FERMT2: variants seen among roughly 807,000 people sequenced by gnomAD.
FERMT2 encodes FERM domain containing kindlin 2.
FERMT2 carries 15 observed loss-of-function variants against 82.7 expected under a neutral mutation model. That is an observed-to-expected ratio of 0.18 (90% CI 0.12 to 0.28). The LOEUF (loss-of-function observed/expected upper bound fraction) is 0.28, where lower values mean the gene tolerates loss of function less well. FERMT2 is among the 10% of genes least tolerant of loss of function. The probability of loss-of-function intolerance (pLI) is 1.00; values close to 1 mark genes in which losing one functional copy is unlikely to be tolerated. For missense variants in FERMT2, 645 were observed against 809.4 expected (o/e 0.80, Z 2.46); for synonymous variants, 274 against 271.5 (o/e 1.01, Z -0.09).
At chr14:52,866,887 T>A (rs1372630667) in intron 10 of FERMT2, among the ~76,000 whole-genome samples, 2 of 152,172 alleles carry the variant, frequency 1.3e-5, no homozygotes, top group South Asian at 4.1e-4. Flanking sequence ...CCTATCCAAG[T>A]GGGCTGAGTT....
intron 3 of FERMT2, among the ~76,000 whole-genome samples, chr14:52,902,805 G>A (rs1289430556): frequency 7.2e-6 from 1 of 139,782 alleles, no homozygotes; most frequent in Non-Finnish European, 1.5e-5. Flanking sequence ...GGAGGTGGAG[G>A]CTGCAGTGAG....
chr14:52,918,363 G>A (rs1888744999), intron 3 of FERMT2, among the ~76,000 whole-genome samples: 1 of 152,028 alleles, frequency 6.6e-6, no homozygotes, highest in South Asian at 2.1e-4. Context: ...AGGGGAAGGG[G>A]GAGCTTACTA....
intron 12 of FERMT2, chr14:52,861,161 T>C (rs751958887): frequency 2.8e-6 from 2 of 715,738 alleles, no homozygotes; most frequent in Non-Finnish European, 4.6e-6. Flanking sequence ...CCAAAAGTCA[T>C]GCAAAAAACT....
At position 52,864,845 on chromosome 14, in the gene FERMT2, C is replaced by T. The variant is rs931171599; in HGVS notation, c.1282G>A (p.Val428Ile). 5 of 1,583,466 alleles carry T rather than the reference C, an allele frequency of 3.2e-6. No individual in the cohort carries two copies. Among genetic ancestry groups the T allele is most frequent in the Non-Finnish European group, 4.3e-6 (5 of 1,160,596 alleles). The change falls in exon 11 of 15, where the codon GTT (valine) becomes ATT (isoleucine). Residue 428 changes from valine to isoleucine, a missense_variant. Transcript: ENST00000341590. ...CCTGAAATGTTTACATCTGGGGTAA[C>T]TTCACATCCTGTAACAAAAAATTTT... ...AHQMNLRGCE[V>I]TPDVNISGQK...
chr14:52,866,990 T>G (rs1447664695), intron 10 of FERMT2, among the ~76,000 whole-genome samples: 3 of 152,142 alleles, frequency 2.0e-5, no homozygotes, highest in Non-Finnish European at 4.4e-5. Flanking sequence ...CCACCAGCAT[T>G]TAATTTCCTT....
Position 52,864,452 on chromosome 14 carries a change from A to G in FERMT2, c.1551T>C (p.Thr517=). Residue 517 remains threonine, a synonymous_variant, in exon 12 of 15, where the codon ACT becomes ACC. Transcript: ENST00000341590. ...LIPEQITTDI[T]PECLVSPRYL... ...AGCGGGGAGACACCAAACATTCAGG[A>G]GTTATATCAGTCGTGATCTGCTCTG... The G allele has an allele frequency of 6.2e-7, 1 of 1,614,110 alleles. No homozygotes were observed. The highest frequency in any genetic ancestry group is 8.5e-7 in the Non-Finnish European group (1 of 1,179,970).
chr14:52,942,408 T>C (rs907208695), intron 2 of FERMT2, among the ~76,000 whole-genome samples: 2 of 151,142 alleles, frequency 1.3e-5, no homozygotes, highest in African/African-American at 4.9e-5. Context: ...GTTCACACCA[T>C]TCTCCAGCCT....
At chr14:52,860,617 C>A in intron 12 of FERMT2, 152 bp from the exon 13 acceptor site, 1 of 661,604 alleles carries the variant, frequency 1.5e-6, no homozygotes, top group South Asian at 2.1e-5. Flanking sequence ...CATTTGGACA[C>A]TGTAATAATG....
chr14:52,860,318 C>T (rs1566713733), intron 13 of FERMT2, 23 bp downstream of exon 13: 2 of 1,611,032 alleles, frequency 1.2e-6, no homozygotes, highest in Non-Finnish European at 8.5e-7. Flanking sequence ...AAGGTTTACA[C>T]ATAGATGCTT....
At chr14:52,948,793 C>G (rs981152599) in intron 2 of FERMT2, among the ~76,000 whole-genome samples, 1 of 152,190 alleles carries the variant, frequency 6.6e-6, no homozygotes, top group African/African-American at 2.4e-5. Flanking sequence ...TTGTCTCAGT[C>G]ACCTTCAACA....
At chr14:52,930,698 T>C (rs2139672623) in intron 2 of FERMT2, among the ~76,000 whole-genome samples, 1 of 152,324 alleles carries the variant, frequency 6.6e-6, no homozygotes, top group South Asian at 2.1e-4. Flanking sequence ...GGGTTTCTTT[T>C]CTTTACTAAA....
intron 2 of FERMT2, among the ~76,000 whole-genome samples, chr14:52,947,372 G>A (rs968293734): frequency 2.0e-5 from 3 of 152,058 alleles, no homozygotes; most frequent in African/African-American, 7.2e-5. Flanking sequence ...CCAGCTACTC[G>A]GGAGGCTGAG....
intron 2 of FERMT2, among the ~76,000 whole-genome samples, chr14:52,932,400 G>T (rs2139676881): frequency 6.6e-6 from 1 of 152,266 alleles, no homozygotes; most frequent in Middle Eastern, 3.4e-3. Context: ...ACATCCACAA[G>T]GAGGCAAAGA....
At chr14:52,898,815 A>G (rs570811355) in intron 3 of FERMT2, among the ~76,000 whole-genome samples, 34 of 152,336 alleles carry the variant, frequency 2.2e-4, no homozygotes, top group African/African-American at 7.0e-4. Context: ...TGAAGGATAA[A>G]TAACAAATCC....
intron 2 of FERMT2, among the ~76,000 whole-genome samples, chr14:52,941,629 T>C (rs1266252184): frequency 6.6e-6 from 1 of 152,220 alleles, no homozygotes; most frequent in African/African-American, 2.4e-5. Flanking sequence ...TCACTGGGCA[T>C]ATATACCAAT....
intron 2 of FERMT2, among the ~76,000 whole-genome samples, chr14:52,942,294 G>A (rs1595025362): frequency 7.0e-6 from 1 of 141,916 alleles, no homozygotes; most frequent in Non-Finnish European, 1.5e-5. Context: ...GTGAGAAAAT[G>A]TTTTTCTTTT....
chr14:52,937,805 C>T (rs1431279976), intron 2 of FERMT2, among the ~76,000 whole-genome samples: 1 of 152,122 alleles, frequency 6.6e-6, no homozygotes, highest in Non-Finnish European at 1.5e-5. Flanking sequence ...CATCAATGTC[C>T]CATCTCACCT....
At chr14:52,861,107 GA>G in intron 12 of FERMT2, 1 of 1,371,224 alleles carries the variant, frequency 7.3e-7, no homozygotes, top group Non-Finnish European at 9.8e-7. Flanking sequence ...AAATGGCAAC[GA>G]AGCAAAGAAA....
In FERMT2 at chr14:52,919,519, C is replaced by T. The variant is rs3825593; in HGVS notation, c.158-163G>A. Reference sequence around the variant, plus strand: ...AGAAACATTAACAGCTGAGAAAACACGCTCTGTCCTGAAAAGCCAGTACAC... The same window carrying T: ...AGAAACATTAACAGCTGAGAAAACATGCTCTGTCCTGAAAAGCCAGTACAC... On this transcript the variant is annotated intron_variant, in intron 2 of 14. Transcript: ENST00000341590. Among the ~76,000 whole-genome samples, 6 of 152,034 alleles carry T rather than the reference C, an allele frequency of 3.9e-5. 2 individuals are homozygous for T. In the Middle Eastern group the frequency reaches 0.02, roughly 517 times the overall value.
Sources: gnomAD v4.1 joint callset for allele counts (sites outside exome capture counted in the v4.1 genomes callset) on GRCh38, gnomAD v4.1.1 for gene constraint, MANE v1.5 for transcripts, NCBI Gene and HGNC (gene_info 2026-07-23, HGNC 2026-07-21) for gene names.